The following CSMD1 variants were observed in gnomAD, a reference collection of about 807,000 sequenced individuals.
CSMD1 encodes the protein CUB and Sushi multiple domains 1.
A neutral mutation model predicts 417.5 loss-of-function variants in CSMD1; 213 were observed. The ratio of observed to expected loss-of-function variants is 0.51; its 90% CI spans 0.46 to 0.57. The LOEUF is 0.57. CSMD1 is among the 20% of genes least tolerant of loss of function. The pLI is 0.00. For synonymous variants in CSMD1, 2,862 were observed against 1,736.8 expected (o/e 1.65, Z -16.11); for missense variants, 6,923 against 4,529.7 (o/e 1.53, Z -15.17).
At chr8:3,389,817 A>T (rs1282372756) in intron 17 of CSMD1, among the ~76,000 whole-genome samples, 1 of 152,226 alleles carries the variant, frequency 6.6e-6, no homozygotes, top group African/African-American at 2.4e-5. Flanking sequence ...TTAAGGTCAC[A>T]ATTGATGCTT....
intron 6 of CSMD1, among the ~76,000 whole-genome samples, chr8:3,740,851 A>G (rs1362363670): frequency 6.6e-6 from 1 of 152,126 alleles, no homozygotes; most frequent in African/African-American, 2.4e-5. Flanking sequence ...GGAGGAGAGT[A>G]TAGCAGAGAG....
At chr8:3,036,502 T>C (rs1447526859) in intron 50 of CSMD1, among the ~76,000 whole-genome samples, 1 of 152,184 alleles carries the variant, frequency 6.6e-6, no homozygotes, top group African/African-American at 2.4e-5. Context: ...TGATTAGATG[T>C]CATTGGAGTA....
At chr8:3,693,266 C>G (rs892254028) in intron 7 of CSMD1, among the ~76,000 whole-genome samples, 2 of 151,994 alleles carry the variant, frequency 1.3e-5, no homozygotes, top group African/African-American at 4.8e-5. Flanking sequence ...AAGTAGGATG[C>G]AAGGTCACTT....
chr8:4,454,594 G>A (rs139955919), intron 2 of CSMD1, among the ~76,000 whole-genome samples: 1 of 152,170 alleles, frequency 6.6e-6, no homozygotes, highest in Non-Finnish European at 1.5e-5. Context: ...TTTAGGGCTG[G>A]CTGGGGAAGG....
chr8:4,083,953 G>T (rs535446954), intron 3 of CSMD1, among the ~76,000 whole-genome samples: 1 of 152,000 alleles, frequency 6.6e-6, no homozygotes, highest in Non-Finnish European at 1.5e-5. Context: ...ATCTGACAAA[G>T]GGCTAATATC....
chr8:3,181,834 A>G (rs1268735084), intron 36 of CSMD1, among the ~76,000 whole-genome samples: 3 of 152,218 alleles, frequency 2.0e-5, no homozygotes, highest in Non-Finnish European at 4.4e-5. Flanking sequence ...GGAAAGGGCA[A>G]TACAGATACC....
At chr8:4,460,166 T>G (rs936652617) in intron 2 of CSMD1, among the ~76,000 whole-genome samples, 1 of 152,158 alleles carries the variant, frequency 6.6e-6, no homozygotes, top group Non-Finnish European at 1.5e-5. Flanking sequence ...AAATAAATTA[T>G]CTGAGCTCAA....
chr8:3,321,931 A>C (rs1021672009), intron 23 of CSMD1, among the ~76,000 whole-genome samples: 4 of 152,236 alleles, frequency 2.6e-5, no homozygotes, highest in Non-Finnish European at 4.4e-5. Flanking sequence ...TGGATTCAGT[A>C]TTATTTAGCA....
chr8:4,043,243 G>T (rs766519509), intron 3 of CSMD1, among the ~76,000 whole-genome samples: 4 of 152,116 alleles, frequency 2.6e-5, no homozygotes, highest in Non-Finnish European at 5.9e-5. Context: ...AAATGTTACA[G>T]CTATTAGGCT....
chr8:4,568,678 T>A (rs1798736884), intron 2 of CSMD1, among the ~76,000 whole-genome samples: 1 of 152,166 alleles, frequency 6.6e-6, no homozygotes. Context: ...TGGTTCTAGA[T>A]CCTTTAGGAA....
At chr8:4,299,925 G>A (rs1003741850) in intron 3 of CSMD1, among the ~76,000 whole-genome samples, 23 of 152,004 alleles carry the variant, frequency 1.5e-4, no homozygotes, top group Middle Eastern at 3.2e-3. Context: ...CACTGCGCCC[G>A]GCCCAGACAC....
intron 1 of CSMD1, among the ~76,000 whole-genome samples, chr8:4,683,480 T>G (rs78389357): frequency 2.0e-5 from 3 of 152,060 alleles, no homozygotes; most frequent in Non-Finnish European, 4.4e-5. Flanking sequence ...CCTGCACAAG[T>G]AGAGTGGACA....
intron 3 of CSMD1, among the ~76,000 whole-genome samples, chr8:4,299,099 G>A (rs533008032): frequency 6.6e-6 from 1 of 152,126 alleles, no homozygotes; most frequent in Non-Finnish European, 1.5e-5. Flanking sequence ...AAGGAGGGAA[G>A]AAGGTGATAG....
intron 5 of CSMD1, among the ~76,000 whole-genome samples, chr8:3,813,265 G>T (rs11785494): frequency 6.8e-4 from 103 of 152,074 alleles, no homozygotes; most frequent in Non-Finnish European, 1.3e-3. Context: ...CAATCAAATT[G>T]CTATCCATGC....
At chr8:4,590,646 TACA>T (rs1799940527) in intron 2 of CSMD1, among the ~76,000 whole-genome samples, 1 of 152,200 alleles carries the variant, frequency 6.6e-6, no homozygotes. Context: ...TGTTGACTTT[TACA>T]ACATTATAAA....
At chr8:4,625,314 G>A (rs1461110366) in intron 2 of CSMD1, among the ~76,000 whole-genome samples, 2 of 152,034 alleles carry the variant, frequency 1.3e-5, no homozygotes, top group African/African-American at 4.8e-5. Flanking sequence ...AGTTGAGGAT[G>A]TCTTAAAAAG....
chr8:4,526,875 A>G (rs1796540379), intron 2 of CSMD1, among the ~76,000 whole-genome samples: 1 of 152,128 alleles, frequency 6.6e-6, no homozygotes, highest in Non-Finnish European at 1.5e-5. Context: ...ATATTTAGCC[A>G]TGATTCCAGA....
At chr8:3,084,769 G>C (rs1257522531) in intron 49 of CSMD1, among the ~76,000 whole-genome samples, 1 of 151,650 alleles carries the variant, frequency 6.6e-6, no homozygotes, top group African/African-American at 2.4e-5. Context: ...CCTTCCCAAT[G>C]GCCTTTATCC....
intron 3 of CSMD1, among the ~76,000 whole-genome samples, chr8:4,214,882 G>A (rs1018581191): frequency 2.0e-5 from 3 of 152,078 alleles, no homozygotes; most frequent in African/African-American, 4.8e-5. Context: ...TTAAAAAAAT[G>A]TATATTCTTT....
Sources: allele counts gnomAD v4.1 joint callset (sites outside exome capture counted in the v4.1 genomes callset), GRCh38; gene constraint gnomAD v4.1.1; transcripts MANE v1.5; gene names NCBI Gene and HGNC (gene_info 2026-07-23, HGNC 2026-07-21).